ATXN1: variants seen among roughly 807,000 people sequenced by gnomAD.
The protein encoded by ATXN1 is ataxin 1.
ATXN1 carries 8 observed loss-of-function variants against 56.4 expected under a neutral mutation model. That is an observed-to-expected ratio of 0.14 (90% CI 0.08 to 0.26). ATXN1 has a LOEUF of 0.26. Ranked by LOEUF, ATXN1 falls within the 10% of genes least tolerant of loss-of-function variation. The probability of loss-of-function intolerance (pLI) is 1.00; values close to 1 mark genes in which losing one functional copy is unlikely to be tolerated. For missense variants in ATXN1, 987 were observed against 1,106.5 expected (o/e 0.89, Z 1.53); for synonymous variants, 514 against 494.6 (o/e 1.04, Z -0.52).
At chr6:16,623,800 C>T (rs938478326) in intron 3 of ATXN1, among the ~76,000 whole-genome samples, 1 of 152,214 alleles carries the variant, frequency 6.6e-6, no homozygotes, top group African/African-American at 2.4e-5. Context: ...TCTTCAAAAA[C>T]ATATCCGATG....
chr6:16,299,755 A>ACTAT lies in ATXN1; in HGVS notation c.*6570_*6573dup, dbSNP rs1486418827. 10 of 152,686 alleles carry ACTAT rather than the reference A, an allele frequency of 6.5e-5. No individual in the cohort carries two copies. The highest frequency in any genetic ancestry group is 2.2e-4 in the African/African-American group (9 of 41,468). 9.5% of individuals were successfully genotyped at this position (152,686 alleles called of 1,614,324 possible). On this transcript the variant is annotated 3_prime_UTR_variant, in exon 8 of 8. Coordinates refer to ENST00000436367, the MANE Select transcript of ATXN1 (RefSeq NM_001128164.2). ...GAAGGTCACCACAAATACTGACAGG[A>ACTAT]CTATCTTGAAACCTCCTTTCGGCTG... is the stretch of plus-strand genomic sequence containing the variant.
chr6:16,446,029 G>A (rs1290374784), intron 6 of ATXN1, among the ~76,000 whole-genome samples: 1 of 151,906 alleles, frequency 6.6e-6, no homozygotes, highest in African/African-American at 2.4e-5. Flanking sequence ...AGTCCTTTGG[G>A]TATATACCCA....
chr6:16,572,758 C>T (rs1160162536), intron 4 of ATXN1, among the ~76,000 whole-genome samples: 1 of 152,124 alleles, frequency 6.6e-6, no homozygotes, highest in Non-Finnish European at 1.5e-5. Flanking sequence ...GACATGGTAC[C>T]TGAAGATCAA....
chr6:16,692,578 G>A (rs970777227), intron 2 of ATXN1, among the ~76,000 whole-genome samples: 1 of 151,962 alleles, frequency 6.6e-6, no homozygotes, highest in African/African-American at 2.4e-5. Flanking sequence ...CCTAATTTTT[G>A]GAAAACATTT....
chr6:16,715,600 A>G (rs1370843411), intron 2 of ATXN1, among the ~76,000 whole-genome samples: 3 of 152,204 alleles, frequency 2.0e-5, no homozygotes, highest in African/African-American at 4.8e-5. Flanking sequence ...ATGACTTACA[A>G]TATCAGCCAG....
intron 4 of ATXN1, among the ~76,000 whole-genome samples, chr6:16,549,266 T>G (rs989307989): frequency 6.6e-6 from 1 of 152,240 alleles, no homozygotes; most frequent in Non-Finnish European, 1.5e-5. Context: ...TCAAGCATTA[T>G]GTGCTGTACC....
At chr6:16,735,854 T>C (rs747750560) in intron 2 of ATXN1, among the ~76,000 whole-genome samples, 1 of 151,864 alleles carries the variant, frequency 6.6e-6, no homozygotes, top group Non-Finnish European at 1.5e-5. Context: ...CCTCAAATAA[T>C]ACAAAAAAAG....
chr6:16,539,640 C>T (rs1382432770), intron 4 of ATXN1, among the ~76,000 whole-genome samples: 1 of 152,214 alleles, frequency 6.6e-6, no homozygotes, highest in African/African-American at 2.4e-5. Flanking sequence ...GTCACTCTCA[C>T]ACCGATTTAC....
chr6:16,546,002 A>G (rs2113722265), intron 4 of ATXN1, among the ~76,000 whole-genome samples: 1 of 152,346 alleles, frequency 6.6e-6, no homozygotes. Context: ...CTCTAATAAT[A>G]TGTACATTAG....
intron 6 of ATXN1, among the ~76,000 whole-genome samples, chr6:16,422,031 T>A (rs1026096715): frequency 6.6e-6 from 1 of 151,180 alleles, no homozygotes; most frequent in Admixed American, 6.6e-5. Context: ...ATCTTCATCT[T>A]TTGAAGTATA....
intron 2 of ATXN1, among the ~76,000 whole-genome samples, chr6:16,658,612 G>A (rs1001508853): frequency 2.0e-5 from 3 of 152,230 alleles, no homozygotes; most frequent in African/African-American, 7.2e-5. Flanking sequence ...ACTCTGAAAA[G>A]TTCCTTTCTG....
chr6:16,328,933 C>T lies in ATXN1; in HGVS notation c.-160-463G>A, dbSNP rs569438603. Among the ~76,000 whole-genome samples the T allele has an allele frequency of 2.6e-5, 4 of 152,034 alleles. No individual in the cohort carries two copies. Among genetic ancestry groups the T allele is most frequent in the Admixed American group, 6.5e-5 (1 of 15,272 alleles). The stretch of plus-strand genomic sequence containing the variant: ...CAGAGCGACACTCTGTCTCCAAAAA[C>T]GAAACAAAACAACAACAACAAAAAC... On this transcript the variant is annotated intron_variant, in intron 6 of 7. Coordinates refer to ENST00000436367, the MANE Select transcript of ATXN1 (RefSeq NM_001128164.2). This position sits in a 1 kb window ranked among gnomAD's most constrained non-coding sequence, Gnocchi z 6.2.
chr6:16,436,409 G>T (rs890176473), intron 6 of ATXN1, among the ~76,000 whole-genome samples: 1 of 152,180 alleles, frequency 6.6e-6, no homozygotes, highest in African/African-American at 2.4e-5. Context: ...GATTTATAAT[G>T]AAGTATTTTC....
intron 2 of ATXN1, among the ~76,000 whole-genome samples, chr6:16,714,188 CACACACACACA>C (rs563914137): frequency 0.12 from 14,465 of 124,078 alleles, 964 homozygotes; most frequent in East Asian, 0.39. Context: ...ACACCACACA[CACACACACACA>C]CACACACACA....
chr6:16,726,216 A>G (rs943999906), intron 2 of ATXN1, among the ~76,000 whole-genome samples: 5 of 151,956 alleles, frequency 3.3e-5, no homozygotes, highest in Non-Finnish European at 7.4e-5. Context: ...CCCCATCTCT[A>G]CTAAAATACA....
chr6:16,450,620 T>A (rs1581771428), intron 6 of ATXN1, among the ~76,000 whole-genome samples: 1 of 152,254 alleles, frequency 6.6e-6, no homozygotes, highest in Non-Finnish European at 1.5e-5. Context: ...ATCTGCAACA[T>A]GGAGATGCTA....
At chr6:16,553,710 G>A (rs919769931) in intron 4 of ATXN1, among the ~76,000 whole-genome samples, 15 of 152,056 alleles carry the variant, frequency 9.9e-5, no homozygotes, top group African/African-American at 2.9e-4. Flanking sequence ...GTCTGTTACC[G>A]CATGGGCCCT....
intron 3 of ATXN1, among the ~76,000 whole-genome samples, chr6:16,586,463 C>T (rs1270056912): frequency 5.9e-5 from 9 of 152,180 alleles, no homozygotes; most frequent in African/African-American, 1.9e-4. Context: ...AAGGTCATCA[C>T]GAACATTGAT....
intron 4 of ATXN1, among the ~76,000 whole-genome samples, chr6:16,578,719 G>C (rs984400336): frequency 6.6e-6 from 1 of 150,460 alleles, no homozygotes; most frequent in African/African-American, 2.5e-5. Flanking sequence ...AGCACAGCCT[G>C]ATAACTAGAG....
Sources: gnomAD v4.1 joint callset for allele counts (sites outside exome capture counted in the v4.1 genomes callset) on GRCh38, gnomAD v4.1.1 for gene constraint, Gnocchi (gnomAD v3.1) non-coding constraint, MANE v1.5 for transcripts, NCBI Gene and HGNC (gene_info 2026-07-23, HGNC 2026-07-21) for gene names.